The following ABHD12B variants were observed in gnomAD, a reference collection of about 807,000 sequenced individuals.
ABHD12B encodes protein ABHD12B.
ABHD12B carries 42 observed loss-of-function variants against 50.4 expected under a neutral mutation model. That is an observed-to-expected ratio of 0.83 (90% CI 0.65 to 1.08). The LOEUF is 1.08. ABHD12B is among the 50% of genes least tolerant of loss of function. The pLI is 0.00. For synonymous variants in ABHD12B, 167 were observed against 160.3 expected, an observed-to-expected ratio of 1.04 and a Z score of -0.32; for missense variants, 479 against 447.7, an observed-to-expected ratio of 1.07 and a Z score of -0.63.
chr14:50,889,011 G>A (rs1209848211), intron 9 of ABHD12B, 108 bp downstream of exon 9: 2 of 832,834 alleles, frequency 2.4e-6, no homozygotes, highest in African/African-American at 3.5e-5. Context: ...TTCTTAAGTA[G>A]TTTTATATGT....
chr14:50,901,985 C>A, intron 10 of ABHD12B, 74 bp downstream of exon 10: 2 of 981,018 alleles, frequency 2.0e-6, no homozygotes, highest in Non-Finnish European at 3.0e-6. Flanking sequence ...ATGTGACTTA[C>A]TGGATGGTGA....
chr14:50,880,506 G>A lies in ABHD12B; in HGVS notation c.390G>A (p.Trp130Ter), dbSNP rs371975948. Residue 130 changes from tryptophan to a stop codon, truncating the protein, a stop_gained, in exon 4 of 13, where the codon TGG becomes TGA. Transcript: ENST00000337334. LOFTEE classifies it high-confidence loss of function. ...GEDAKGKDCC[W>*]YEAALRDGNP... ...ATGCCAAGGGGAAGGACTGTTGCTG[G>A]TATGAAGCAGCCCTTCGTGATGGGA... is the stretch of plus-strand genomic sequence containing the variant. 6.2e-7 allele frequency: 1 copy of A among 1,611,046 alleles called. No individual in the cohort carries two copies. The highest frequency in any genetic ancestry group is 2.2e-5 in the East Asian group (1 of 44,586).
Position 50,879,692 on chromosome 14 carries a change from T to G in ABHD12B, c.336-760T>G, listed in dbSNP as rs112052546. ...CAGTTCACCCAAATGTGTTGGAATTTAGAAATCTTTTTATTTTTTGCTTTT... is the reference window on the plus strand; with the variant it reads ...CAGTTCACCCAAATGTGTTGGAATTGAGAAATCTTTTTATTTTTTGCTTTT... On this transcript the variant is annotated intron_variant, in intron 3 of 12. Transcript: ENST00000337334. Among the ~76,000 whole-genome samples, 1,055 of 152,352 alleles carry G rather than the reference T, an allele frequency of 6.9e-3. 10 individuals are homozygous for G. Among genetic ancestry groups the G allele is most frequent in the African/African-American group, 0.024 (981 of 41,580 alleles).
rs757594899 is a variant in ABHD12B, at chr14:50,878,744, G to A, written c.233-1G>A. On this transcript the variant is annotated splice_acceptor_variant, in intron 2 of 12. Transcript: ENST00000337334. LOFTEE classifies it high-confidence loss of function. Reference sequence around the variant, plus strand: ...AGTTGATAATGATTTTTACTTTCCAGTCAAAGCCCCATTTCTTGTGGATTT... The same window carrying A: ...AGTTGATAATGATTTTTACTTTCCAATCAAAGCCCCATTTCTTGTGGATTT... The A allele has an allele frequency of 6.2e-7, 1 of 1,611,796 alleles. No individual in the cohort carries two copies. Among genetic ancestry groups the A allele is most frequent in the South Asian group, 1.1e-5 (1 of 91,016 alleles).
In ABHD12B at chr14:50,877,926, C is replaced by A. The variant is rs776157372; in HGVS notation, c.105-26C>A. ...AGACAAATGGATTAATTTCGAAAAC[C>A]TTGTGTGTTTCCCAATACCTTGCAG... On this transcript the variant is annotated intron_variant, in intron 1 of 12. Transcript: ENST00000337334. 1.6e-5 allele frequency: 23 copies of A among 1,474,030 alleles called. 1 individual carries two copies. The Admixed American group carries it at 4.2e-4, about 27-fold the overall frequency. 91.3% of individuals were successfully genotyped at this position (1,474,030 alleles called of 1,614,324 possible).
At chr14:50,902,377 G>GT (rs1297758712) in intron 10 of ABHD12B, among the ~76,000 whole-genome samples, 2 of 152,106 alleles carry the variant, frequency 1.3e-5, no homozygotes, top group Admixed American at 6.6e-5. Context: ...CCAACTACAC[G>GT]TGAGGCTGAA....
chr14:50,895,121 C>T (rs923307428), intron 9 of ABHD12B, among the ~76,000 whole-genome samples: 6 of 150,118 alleles, frequency 4.0e-5, no homozygotes, highest in Admixed American at 1.3e-4. Context: ...CAGTTCATGA[C>T]GTGTTTGGCA....
intron 10 of ABHD12B, 66 bp downstream of exon 10, chr14:50,901,977 G>A: frequency 9.6e-7 from 1 of 1,041,616 alleles, no homozygotes; most frequent in South Asian, 1.7e-5. Flanking sequence ...CAACTATCAT[G>A]TGACTTACTG....
At chr14:50,894,290 A>G (rs2050163129) in intron 9 of ABHD12B, among the ~76,000 whole-genome samples, 1 of 151,808 alleles carries the variant, frequency 6.6e-6, no homozygotes, top group South Asian at 2.1e-4. Context: ...AAAACCCCCA[A>G]TCGCTTATTT....
chr14:50,885,844 C>G lies in ABHD12B; in HGVS notation c.611C>G (p.Ala204Gly), dbSNP rs1254666556. The G allele has an allele frequency of 6.2e-7, 1 of 1,614,146 alleles. No individual in the cohort carries two copies. The highest frequency in any genetic ancestry group is 1.1e-5 in the South Asian group (1 of 91,082). The part of the protein sequence containing the change: ...DAICVYEWTK[A>G]RSGITPVCLW... ...ATTTGTGTCTATGAGTGGACCAAGG[C>G]AAGAAGTGGCATCACTCCCGTGTGT... The change falls in exon 7 of 13, where the codon GCA becomes GGA. Residue 204 changes from alanine (A) to glycine (G), a missense_variant. Coordinates refer to ENST00000337334, the MANE Select transcript of ABHD12B (RefSeq NM_001206673.2).
Position 50,904,580 on chromosome 14 carries a change from G to T in ABHD12B, c.*214G>T, listed in dbSNP as rs76983938. The T allele has an allele frequency of 8.5e-3, 5,309 of 625,118 alleles. 42 individuals carry two copies. The highest frequency in any genetic ancestry group is 0.012 in the Non-Finnish European group (4,315 of 362,984). The allele number at this position is 625,118 out of a possible 1,614,324, so 38.7% of individuals were successfully genotyped here. ...TATCATAATCTACTTTGTAAAACAT[G>T]CTGAAACCTCACTGTGGAGAACCAG... is the stretch of plus-strand genomic sequence containing the variant. On this transcript the variant is annotated 3_prime_UTR_variant, in exon 13 of 13. Transcript: ENST00000337334.
intron 9 of ABHD12B, chr14:50,892,408 A>T (rs962659591): frequency 1.3e-5 from 13 of 985,302 alleles, no homozygotes; most frequent in Middle Eastern, 5.2e-4. Flanking sequence ...CTTTGGCCTG[A>T]TTCAGGCGGG....
At chr14:50,880,660 A>T in intron 4 of ABHD12B, 89 bp downstream of exon 4, 1 of 1,359,502 alleles carries the variant, frequency 7.4e-7, no homozygotes, top group Non-Finnish European at 9.6e-7. Context: ...TCTGTTTTTA[A>T]CTCTGTAGGC....
In ABHD12B at chr14:50,885,985, G is replaced by A. The variant is rs918276288; in HGVS notation, c.662+90G>A. 32 of 1,559,968 alleles carry A rather than the reference G, an allele frequency of 2.1e-5. No individual in the cohort carries two copies. The Middle Eastern group carries it at 1.2e-3, about 57-fold the overall frequency. ...AGCAGCCAGTAGTGGAGGGAGCACC[G>A]AGCCAGAAGACAGGGACTCTTTGCT... is the stretch of plus-strand genomic sequence containing the variant. On this transcript the variant is annotated intron_variant, in intron 7 of 12. Transcript: ENST00000337334.
intron 10 of ABHD12B, 44 bp from the exon 11 acceptor site, chr14:50,903,345 T>A (rs200250586): frequency 9.0e-6 from 13 of 1,442,696 alleles, no homozygotes; most frequent in Non-Finnish European, 1.1e-5. Context: ...GAAATCTCAA[T>A]GTATCATTCT....
chr14:50,899,114 A>G (rs1566494588), intron 9 of ABHD12B, among the ~76,000 whole-genome samples: 1 of 152,110 alleles, frequency 6.6e-6, no homozygotes, highest in Non-Finnish European at 1.5e-5. Flanking sequence ...AATCACTTGA[A>G]CCCGGGAGGC....
chr14:50,875,409 T>C (rs2049847699), intron 1 of ABHD12B, among the ~76,000 whole-genome samples: 1 of 152,216 alleles, frequency 6.6e-6, no homozygotes, highest in Non-Finnish European at 1.5e-5. Flanking sequence ...CAAAGTTGGT[T>C]TGCAGAAACC....
chr14:50,899,013 C>T (rs58815153), intron 9 of ABHD12B, among the ~76,000 whole-genome samples: 33,242 of 151,770 alleles, frequency 0.22, 4,037 homozygotes, highest in East Asian at 0.45. Flanking sequence ...GCCAACATGG[C>T]GAGACCCTGT....
intron 5 of ABHD12B, 35 bp from the exon 6 acceptor site, chr14:50,885,579 C>T: frequency 6.2e-7 from 1 of 1,613,520 alleles, no homozygotes; most frequent in South Asian, 1.1e-5. Flanking sequence ...TTTTCATCTT[C>T]TAATTAAAGT....
Sources: allele counts gnomAD v4.1 joint callset (sites outside exome capture counted in the v4.1 genomes callset), GRCh38; gene constraint gnomAD v4.1.1; transcripts MANE v1.5; gene names NCBI Gene and HGNC (gene_info 2026-07-23, HGNC 2026-07-21).